The following ABL1 variants were observed in gnomAD, a reference collection of about 807,000 sequenced individuals.
ABL1 encodes ABL proto-oncogene 1, non-receptor tyrosine kinase.
A neutral mutation model predicts 94.7 loss-of-function variants in ABL1; 11 were observed. The ratio of observed to expected loss-of-function variants is 0.12; its 90% CI spans 0.07 to 0.19. The LOEUF is 0.19. ABL1 is among the 10% of genes least tolerant of loss of function. ABL1 has a pLI of 1.00. For synonymous variants in ABL1, 656 were observed against 622.4 expected (o/e 1.05, Z -0.80); for missense variants, 1,082 against 1,489.4 (o/e 0.73, Z 4.50).
chr9:130,833,360 A>G (rs1322143708), upstream of ABL1, among the ~76,000 whole-genome samples: 1 of 152,178 alleles, frequency 6.6e-6, no homozygotes, highest in African/African-American at 2.4e-5. Flanking sequence ...TTTTTTCACT[A>G]GTTGGTACTG....
intron 1 of ABL1, among the ~76,000 whole-genome samples, chr9:130,787,185 G>T (rs1330461731): frequency 6.6e-6 from 1 of 152,156 alleles, no homozygotes; most frequent in Non-Finnish European, 1.5e-5. Context: ...AACTGCTGTT[G>T]CTCTTTACTT....
rs1262699700 is a variant in ABL1, at chr9:130,855,149, GGTCCTGCT to G, written c.549+57_549+64del. 3.3e-6 allele frequency: 5 copies of G among 1,536,184 alleles called. No individual in the cohort carries two copies. The East Asian group carries it at 6.8e-5, about 21-fold the overall frequency. ...ATGGGCCCAGGGCAGGGGAACCAGAGGTCCTGCTGTCGGATTGATAAATTATTGCAAGA... is the reference window on the plus strand; with the variant it reads ...ATGGGCCCAGGGCAGGGGAACCAGAGGTCGGATTGATAAATTATTGCAAGA... On this transcript the variant is annotated intron_variant, in intron 3 of 10. Coordinates refer to ENST00000318560, the MANE Select transcript of ABL1 (RefSeq NM_005157.6).
At chr9:130,871,573 C>T (rs1323446630) in intron 4 of ABL1, among the ~76,000 whole-genome samples, 2 of 152,352 alleles carry the variant, frequency 1.3e-5, no homozygotes, top group South Asian at 2.1e-4. Flanking sequence ...TAAGAGCCCA[C>T]GACCACGTGC....
At chr9:130,881,464 G>A (rs1831451693) in intron 10 of ABL1, among the ~76,000 whole-genome samples, 2 of 152,206 alleles carry the variant, frequency 1.3e-5, no homozygotes. Context: ...GGTGAATGAG[G>A]AGCAAGGTCA....
chr9:130,863,054 G>A lies in ABL1; in HGVS notation c.822+19G>A. The A allele has an allele frequency of 3.2e-6, 5 of 1,573,832 alleles. No individual in the cohort carries two copies. In the South Asian group the frequency reaches 5.9e-5, roughly 19 times the overall value. On this transcript the variant is annotated intron_variant, in intron 4 of 10. Transcript: ENST00000318560. This position sits in a 1 kb window ranked among gnomAD's most constrained non-coding sequence, Gnocchi z 4.3. ...CTTGAAGGTAGGCTGGGACTGCCGG[G>A]GGTGCCCAGGGTACGTGGGGCAAGG...
At chr9:130,716,755 T>C (rs928750039) in intron 1 of ABL1, among the ~76,000 whole-genome samples, 2 of 152,176 alleles carry the variant, frequency 1.3e-5, no homozygotes, top group Admixed American at 1.3e-4. Flanking sequence ...AGAATTTTTT[T>C]TTTTTCCTCT....
At chr9:130,883,000 C>T (rs1249366652) in intron 10 of ABL1, among the ~76,000 whole-genome samples, 1 of 151,890 alleles carries the variant, frequency 6.6e-6, no homozygotes, top group East Asian at 2.0e-4. Flanking sequence ...CTGCCCCCAC[C>T]CCATGCTCCC....
At chr9:130,877,623 G>C (rs1831369553) in intron 7 of ABL1, among the ~76,000 whole-genome samples, 1 of 146,550 alleles carries the variant, frequency 6.8e-6, no homozygotes, top group African/African-American at 2.6e-5. Context: ...ACTGAGTCTT[G>C]TTCTGTCCTG....
chr9:130,725,665 C>T (rs1208727280), intron 1 of ABL1, among the ~76,000 whole-genome samples: 2 of 151,940 alleles, frequency 1.3e-5, no homozygotes, highest in Non-Finnish European at 2.9e-5. Context: ...CAGGCATGAG[C>T]CACCGTGCCT....
At chr9:130,859,861 A>G (rs1564314415) in intron 3 of ABL1, among the ~76,000 whole-genome samples, 1 of 151,148 alleles carries the variant, frequency 6.6e-6, no homozygotes, top group Admixed American at 6.6e-5. Context: ...TTGTATTTTT[A>G]GTAGAGATGG....
At chr9:130,776,020 C>G (rs1163572736) in intron 1 of ABL1, among the ~76,000 whole-genome samples, 3 of 152,200 alleles carry the variant, frequency 2.0e-5, no homozygotes, top group Admixed American at 2.0e-4. Context: ...TTCAGATAAA[C>G]AAAAACTGAT....
intron 1 of ABL1, among the ~76,000 whole-genome samples, chr9:130,721,822 G>GTTTTTTTTTTTTTTTTTTTTTTA (rs746954089): frequency 8.3e-6 from 1 of 120,882 alleles, no homozygotes; most frequent in African/African-American, 3.2e-5. Flanking sequence ...GTTTTTTTTT[G>GTTTTTTTTTTTTTTTTTTTTTTA]TTTTTTTTTT....
intron 1 of ABL1, among the ~76,000 whole-genome samples, chr9:130,794,474 A>G (rs1829948596): frequency 6.6e-6 from 1 of 152,182 alleles, no homozygotes; most frequent in Non-Finnish European, 1.5e-5. Context: ...CCATAGAAAT[A>G]TGTGTATTTC....
At chr9:130,722,702 T>C (rs974416233) in intron 1 of ABL1, among the ~76,000 whole-genome samples, 17 of 152,224 alleles carry the variant, frequency 1.1e-4, no homozygotes, top group Admixed American at 8.5e-4. Context: ...AATAGTCTAA[T>C]ACATTTTGTA....
intron 1 of ABL1, among the ~76,000 whole-genome samples, chr9:130,847,990 A>T (rs1314289033): frequency 6.6e-6 from 1 of 152,198 alleles, no homozygotes; most frequent in Admixed American, 6.5e-5. Context: ...CAGATGCGGC[A>T]GAATGTTTGA....
chr9:130,811,035 A>G (rs1830202089), intron 1 of ABL1, among the ~76,000 whole-genome samples: 1 of 152,220 alleles, frequency 6.6e-6, no homozygotes. Context: ...ACAGTTGTCT[A>G]CCTAGAATTC....
chr9:130,764,789 C>G (rs1286351754), intron 1 of ABL1, among the ~76,000 whole-genome samples: 1 of 152,192 alleles, frequency 6.6e-6, no homozygotes, highest in South Asian at 2.1e-4. Flanking sequence ...AACCCTGTCT[C>G]TACTAAAAAT....
At chr9:130,720,846 G>A (rs1831505252) in intron 1 of ABL1, among the ~76,000 whole-genome samples, 2 of 152,014 alleles carry the variant, frequency 1.3e-5, no homozygotes, top group Admixed American at 6.6e-5. Flanking sequence ...TGTGGGATAT[G>A]GGGGTGTGAG....
Position 130,735,961 on chromosome 9 carries a change from A to ATTTTTTTTT in ABL1, c.136+21510_136+21518dup, listed in dbSNP as rs141181174. 3.2e-3 allele frequency among the ~76,000 whole-genome samples: 307 copies of ATTTTTTTTT among 94,814 alleles called. 7 individuals are homozygous for ATTTTTTTTT. Among genetic ancestry groups the ATTTTTTTTT allele is most frequent in the African/African-American group, 5.6e-3 (88 of 15,670 alleles). The allele number at this position is 94,814 out of a possible 152,430, so 62.2% of individuals were successfully genotyped here. On this transcript the variant is annotated intron_variant, in intron 1 of 10. Transcript: ENST00000372348. ...TATATATATATATATATATATATAT[A>ATTTTTTTTT]TTTTTTTTTTTTAAGACAGGGTCTG...
Sources: gnomAD v4.1 joint callset for allele counts (sites outside exome capture counted in the v4.1 genomes callset) on GRCh38, gnomAD v4.1.1 for gene constraint, Gnocchi (gnomAD v3.1) non-coding constraint, MANE v1.5 for transcripts, NCBI Gene and HGNC (gene_info 2026-07-23, HGNC 2026-07-21) for gene names.